RNF217: variants seen among roughly 807,000 people sequenced by gnomAD.
The protein encoded by RNF217 is ring finger protein 217, also known as E3 ubiquitin-protein ligase RNF217.
In RNF217, 31 loss-of-function variants were observed where a neutral mutation model predicts 57.8. The observed-to-expected ratio is 0.54, with a 90% CI of 0.40 to 0.72. The LOEUF is 0.72. Ranked by LOEUF, RNF217 falls within the 30% of genes least tolerant of loss-of-function variation. The probability of loss-of-function intolerance (pLI) is 0.00; values close to 1 mark genes in which losing one functional copy is unlikely to be tolerated. For missense variants in RNF217, 696 were observed against 708.3 expected (o/e 0.98, Z 0.20); for synonymous variants, 313 against 294.0 (o/e 1.06, Z -0.66).
In RNF217 at chr6:125,084,679, C is replaced by T. The variant is rs1788718978; in HGVS notation, c.*1742C>T. On this transcript the variant is annotated 3_prime_UTR_variant, in exon 6 of 6. Coordinates refer to ENST00000521654, the MANE Select transcript of RNF217 (RefSeq NM_001286398.3). Reference sequence around the variant, plus strand: ...ATTCTTTCTGAATAACACAGAATAACTGTGCTACAGCTTCTGGATTAGTTG... The same window carrying T: ...ATTCTTTCTGAATAACACAGAATAATTGTGCTACAGCTTCTGGATTAGTTG... 1 of 151,964 alleles carries T rather than the reference C, an allele frequency of 6.6e-6. No homozygotes were observed. 9.4% of individuals were successfully genotyped at this position (151,964 alleles called of 1,614,324 possible).
rs1440971721 is a variant in RNF217, at chr6:125,084,317, A to G, written c.*1380A>G. ...GAAATATTTTCAGGAAGTTTTTCTC[A>G]ACCTACAAAAGCTTTAAAAATAAGA... is the stretch of plus-strand genomic sequence containing the variant. On this transcript the variant is annotated 3_prime_UTR_variant, in exon 6 of 6. Transcript: ENST00000521654. 1 of 151,916 alleles carries G rather than the reference A, an allele frequency of 6.6e-6. No homozygotes were observed. The highest frequency in any genetic ancestry group is 1.5e-5 in the Non-Finnish European group (1 of 67,888). 9.4% of individuals were successfully genotyped at this position (151,916 alleles called of 1,614,324 possible). A position where few individuals can be genotyped will look rare whatever the true frequency, so the allele number is the denominator to read the frequency against.
intron 1 of RNF217, among the ~76,000 whole-genome samples, chr6:125,034,901 G>C (rs1201673485): frequency 5.9e-5 from 9 of 152,152 alleles, no homozygotes; most frequent in Admixed American, 4.6e-4. Context: ...TCTCCTTGAA[G>C]AGGTCCTTCA....
chr6:125,083,082 C>A lies in RNF217; in HGVS notation c.*145C>A. ...AGTGATTCTCCGTGGGCCACAATGC[C>A]TCTAGCTATGGTGCACTCCCAACAT... On this transcript the variant is annotated 3_prime_UTR_variant, in exon 6 of 6. Coordinates refer to ENST00000521654, the MANE Select transcript of RNF217 (RefSeq NM_001286398.3). The A allele has an allele frequency of 1.8e-6, 1 of 566,652 alleles. No individual in the cohort carries two copies. The allele number at this position is 566,652 out of a possible 1,614,324, so 35.1% of individuals were successfully genotyped here. A position where few individuals can be genotyped will look rare whatever the true frequency, so the allele number is the denominator to read the frequency against.
intron 1 of RNF217, among the ~76,000 whole-genome samples, chr6:125,019,931 G>C (rs565143509): frequency 3.9e-5 from 6 of 152,072 alleles, no homozygotes; most frequent in Admixed American, 3.9e-4. Context: ...TTGCCTCTTA[G>C]CTTAGTCAGC....
At chr6:125,033,115 T>C (rs905705255) in intron 1 of RNF217, among the ~76,000 whole-genome samples, 1 of 152,112 alleles carries the variant, frequency 6.6e-6, no homozygotes, top group African/African-American at 2.4e-5. Context: ...TTTTCTTTTT[T>C]CAATATATCC....
intron 1 of RNF217, among the ~76,000 whole-genome samples, chr6:125,001,878 T>C (rs1785000522): frequency 6.6e-6 from 1 of 152,042 alleles, no homozygotes; most frequent in Non-Finnish European, 1.5e-5. Context: ...AGAACAAATG[T>C]TACTCCCATC....
intron 1 of RNF217, among the ~76,000 whole-genome samples, chr6:125,030,161 A>G (rs996236996): frequency 9.9e-5 from 15 of 152,264 alleles, no homozygotes; most frequent in African/African-American, 2.6e-4. Context: ...GAGAAAGACC[A>G]GCCTCCATGA....
intron 5 of RNF217, 94 bp from the exon 6 acceptor site, chr6:125,082,770 T>C (rs1788622296): frequency 8.8e-7 from 1 of 1,137,778 alleles, no homozygotes; most frequent in African/African-American, 1.6e-5. Context: ...CTTTGTATGT[T>C]CGTACACTGC....
chr6:125,077,291 C>G lies in RNF217; in HGVS notation c.1483+433C>G, dbSNP rs1788413373. ...TAGGAAGGCAGGGGAAAAAATCTACCTTTTAGAGCCCTGTAATAGAGTTCC... is the reference window on the plus strand; with the variant it reads ...TAGGAAGGCAGGGGAAAAAATCTACGTTTTAGAGCCCTGTAATAGAGTTCC... On this transcript the variant is annotated intron_variant, in intron 4 of 5. Coordinates refer to ENST00000521654, the MANE Select transcript of RNF217 (RefSeq NM_001286398.3). Among the ~76,000 whole-genome samples the G allele has an allele frequency of 2.0e-5, 3 of 152,194 alleles. No homozygotes were observed. The South Asian group carries it at 6.2e-4, about 32-fold the overall frequency.
intron 1 of RNF217, among the ~76,000 whole-genome samples, chr6:125,019,831 A>AGGGGGG (rs375622929): frequency 2.1e-5 from 3 of 140,276 alleles, no homozygotes; most frequent in African/African-American, 8.0e-5. Context: ...CCTTTTTTGC[A>AGGGGGG]GTGGGGGGGG....
chr6:125,074,433 T>C (rs888085993), intron 3 of RNF217, among the ~76,000 whole-genome samples: 1 of 152,170 alleles, frequency 6.6e-6, no homozygotes, highest in Non-Finnish European at 1.5e-5. Flanking sequence ...CCGTTATTAG[T>C]TCACAAGCAG....
rs1363892009 is a variant in RNF217 at position 125,089,129 on chromosome 6, T to G, written c.*6192T>G. ...GTATCAGGAGTGCCTGGAACACTTT[T>G]CCCTCTTGATAGGAGTTGGAGAACA... is the stretch of plus-strand genomic sequence containing the variant. On this transcript the variant is annotated 3_prime_UTR_variant, in exon 6 of 6. Transcript: ENST00000521654. The G allele has an allele frequency of 6.6e-6, 1 of 152,278 alleles. No individual in the cohort carries two copies. The highest frequency in any genetic ancestry group is 2.4e-5 in the African/African-American group (1 of 41,464). The allele number at this position is 152,278 out of a possible 1,614,324, so 9.4% of individuals were successfully genotyped here. A position where few individuals can be genotyped will look rare whatever the true frequency, so the allele number is the denominator to read the frequency against.
intron 2 of RNF217, among the ~76,000 whole-genome samples, chr6:125,053,355 T>C (rs1399599145): frequency 3.9e-5 from 6 of 152,158 alleles, no homozygotes; most frequent in Non-Finnish European, 7.3e-5. Context: ...CCAATAAATA[T>C]GTGTTGGATG....
At chr6:124,972,555 G>A (rs761872456) in intron 1 of RNF217, among the ~76,000 whole-genome samples, 7 of 152,244 alleles carry the variant, frequency 4.6e-5, no homozygotes, top group South Asian at 4.1e-4. Context: ...CTGTGTGTCC[G>A]TCTGAGCTTT....
intron 3 of RNF217, among the ~76,000 whole-genome samples, chr6:125,066,334 G>A (rs1319840823): frequency 6.6e-6 from 1 of 152,144 alleles, no homozygotes; most frequent in Non-Finnish European, 1.5e-5. Context: ...TTAGTTCTAT[G>A]ATGACCATAG....
chr6:125,026,980 G>A (rs1378272795), intron 1 of RNF217, among the ~76,000 whole-genome samples: 5 of 151,748 alleles, frequency 3.3e-5, no homozygotes, highest in African/African-American at 1.2e-4. Flanking sequence ...GACATAATTT[G>A]TACCATTCTT....
intron 3 of RNF217, among the ~76,000 whole-genome samples, chr6:125,059,288 A>T (rs1787639703): frequency 6.6e-6 from 1 of 152,154 alleles, no homozygotes; most frequent in South Asian, 2.1e-4. Context: ...TAGAAGGCAA[A>T]TTCATCCACA....
intron 2 of RNF217, chr6:125,048,369 TACTC>T (rs1326938772): frequency 7.9e-5 from 66 of 840,122 alleles, no homozygotes; most frequent in Middle Eastern, 5.5e-4. Flanking sequence ...TGAATTCAAG[TACTC>T]ACACACAATA....
chr6:124,973,481 A>ACTAGCACC (rs1783837545), intron 1 of RNF217, among the ~76,000 whole-genome samples: 1 of 152,220 alleles, frequency 6.6e-6, no homozygotes, highest in Non-Finnish European at 1.5e-5. Flanking sequence ...TACTTTCATA[A>ACTAGCACC]CTAGCACCTG....
Sources: gnomAD v4.1 joint callset for allele counts (sites outside exome capture counted in the v4.1 genomes callset) on GRCh38, gnomAD v4.1.1 for gene constraint, MANE v1.5 for transcripts, NCBI Gene and HGNC (gene_info 2026-07-23, HGNC 2026-07-21) for gene names.